Variants in LRRTM3 observed in about 807,000 individuals in gnomAD.
The protein encoded by LRRTM3 is leucine rich repeat transmembrane neuronal 3, also known as leucine-rich repeat transmembrane neuronal protein 3.
LRRTM3 carries 24 observed loss-of-function variants against 44.7 expected under a neutral mutation model. That is an observed-to-expected ratio of 0.54 (90% CI 0.39 to 0.76). The LOEUF (loss-of-function observed/expected upper bound fraction) is 0.76. Among genes scored for constraint, LRRTM3 ranks in the 30% least tolerant of loss-of-function variants. The probability of loss-of-function intolerance (pLI) is 0.00; values close to 1 mark genes in which losing one functional copy is unlikely to be tolerated. For synonymous variants in LRRTM3, 277 were observed against 278.7 expected (o/e 0.99, Z 0.06); for missense variants, 587 against 702.2 (o/e 0.84, Z 1.85).
chr10:66,929,034 T>C (rs192181358), intron 2 of LRRTM3, among the ~76,000 whole-genome samples: 1 of 152,288 alleles, frequency 6.6e-6, no homozygotes, highest in Non-Finnish European at 1.5e-5. Flanking sequence ...CTGAGCAGTT[T>C]CCAGAGGTGT....
intron 2 of LRRTM3, among the ~76,000 whole-genome samples, chr10:67,063,704 G>A (rs1216562379): frequency 1.3e-5 from 2 of 152,146 alleles, no homozygotes; most frequent in African/African-American, 2.4e-5. Flanking sequence ...ACAGATAATT[G>A]GCATGAGCCA....
At chr10:67,089,526 A>G (rs10997500) in intron 2 of LRRTM3, among the ~76,000 whole-genome samples, 17,892 of 152,038 alleles carry the variant, frequency 0.12, 1,315 homozygotes, top group African/African-American at 0.21. Flanking sequence ...AGTAAAGTAT[A>G]TTATCTCTGT....
At chr10:66,944,299 T>C (rs1289824266) in intron 2 of LRRTM3, among the ~76,000 whole-genome samples, 1 of 152,210 alleles carries the variant, frequency 6.6e-6, no homozygotes, top group African/African-American at 2.4e-5. Context: ...GACAACTTTC[T>C]CTGTTCATCC....
At chr10:66,982,376 C>T (rs1345801954) in intron 2 of LRRTM3, among the ~76,000 whole-genome samples, 1 of 152,152 alleles carries the variant, frequency 6.6e-6, no homozygotes, top group Non-Finnish European at 1.5e-5. Context: ...GTGACTCAGG[C>T]AAGTTACTAA....
intron 2 of LRRTM3, among the ~76,000 whole-genome samples, chr10:67,002,652 A>G (rs924252616): frequency 1.4e-4 from 22 of 152,248 alleles, no homozygotes; most frequent in Admixed American, 2.6e-4. Flanking sequence ...GTACTGGGCC[A>G]TGTATTTCAG....
At chr10:66,987,213 A>T (rs1207322440) in intron 2 of LRRTM3, among the ~76,000 whole-genome samples, 2 of 152,166 alleles carry the variant, frequency 1.3e-5, no homozygotes. Flanking sequence ...TAAGGACTTA[A>T]CTTTTTCTCT....
Position 66,927,160 on chromosome 10 carries a change from A to T in LRRTM3, c.244A>T (p.Lys82Ter). ...SLQKLKYNQFKGLNQLTWLYL... is the reference protein window; with the variant it reads ...SLQKLKYNQF ...TCAAAAACTTAAGTATAATCAATTT[A>T]AAGGGCTCAACCAGCTCACCTGGCT... The change falls in exon 2 of 3, where the codon AAA (lysine) becomes TAA (stop). Residue 82 changes from lysine to a stop codon, truncating the protein, a stop_gained. Transcript: ENST00000361320. LOFTEE classifies it high-confidence loss of function. This position sits in a 1 kb window ranked among gnomAD's most constrained non-coding sequence, Gnocchi z 4.7. 6.2e-7 allele frequency: 1 copy of T among 1,614,202 alleles called. No homozygotes were observed.
At chr10:67,029,758 A>G (rs992827820) in intron 2 of LRRTM3, among the ~76,000 whole-genome samples, 1 of 152,224 alleles carries the variant, frequency 6.6e-6, no homozygotes, top group Non-Finnish European at 1.5e-5. Context: ...TCAAAAACCA[A>G]TCAATACCTG....
At chr10:66,986,266 G>T (rs988763067) in intron 2 of LRRTM3, among the ~76,000 whole-genome samples, 1 of 152,210 alleles carries the variant, frequency 6.6e-6, no homozygotes, top group East Asian at 1.9e-4. Flanking sequence ...GAGAGGCCGA[G>T]GCAGGCAGTT....
At chr10:67,002,371 T>C (rs1851738803) in intron 2 of LRRTM3, among the ~76,000 whole-genome samples, 1 of 152,220 alleles carries the variant, frequency 6.6e-6, no homozygotes, top group Non-Finnish European at 1.5e-5. Flanking sequence ...TTACATTCTA[T>C]ACATATTGAA....
chr10:66,928,501 G>C (rs766296483), intron 2 of LRRTM3, 49 bp downstream of exon 2: 10 of 1,512,884 alleles, frequency 6.6e-6, no homozygotes, highest in Non-Finnish European at 8.9e-6. Flanking sequence ...GGAAATAAGT[G>C]GTGCTTTATT....
In LRRTM3 at chr10:66,947,841, G is replaced by A. The variant is rs551971393; in HGVS notation, c.1536+19389G>A. ...AAAATGCAGTCATGTGGCGCTTAGC[G>A]ACAGGAATAGGTTCTGAGAAATGCA... On this transcript the variant is annotated intron_variant, in intron 2 of 2. Coordinates refer to ENST00000361320, the MANE Select transcript of LRRTM3 (RefSeq NM_178011.5). 3.9e-5 allele frequency among the ~76,000 whole-genome samples: 6 copies of A among 152,262 alleles called. No individual in the cohort carries two copies. The South Asian group carries it at 8.3e-4, about 21-fold the overall frequency.
At chr10:67,078,429 C>T (rs1040622348) in intron 2 of LRRTM3, among the ~76,000 whole-genome samples, 1 of 152,000 alleles carries the variant, frequency 6.6e-6, no homozygotes. Flanking sequence ...GAGAGAGGGA[C>T]CAACAAAATG....
Position 67,099,375 on chromosome 10 carries a change from G to A in LRRTM3, c.*1579G>A, listed in dbSNP as rs891630265. 5 of 151,356 alleles carry A rather than the reference G, an allele frequency of 3.3e-5. No individual in the cohort carries two copies. The highest frequency in any genetic ancestry group is 9.7e-5 in the African/African-American group (4 of 41,242). The allele number at this position is 151,356 out of a possible 1,614,324, so 9.4% of individuals were successfully genotyped here. Reference sequence around the variant, plus strand: ...AGTTTCAATTACTGTTGCACTAGAAGTGCTTTTTATGTTGTCATTTTATAT... The same window carrying A: ...AGTTTCAATTACTGTTGCACTAGAAATGCTTTTTATGTTGTCATTTTATAT... On this transcript the variant is annotated 3_prime_UTR_variant, in exon 3 of 3. Transcript: ENST00000361320.
At chr10:67,050,201 G>A (rs1854997042) in intron 2 of LRRTM3, among the ~76,000 whole-genome samples, 1 of 152,182 alleles carries the variant, frequency 6.6e-6, no homozygotes, top group Non-Finnish European at 1.5e-5. Flanking sequence ...TGAAGAATCT[G>A]CAATGCAGAT....
chr10:66,936,298 A>G (rs1847689197), intron 2 of LRRTM3, among the ~76,000 whole-genome samples: 1 of 152,094 alleles, frequency 6.6e-6, no homozygotes, highest in South Asian at 2.1e-4. Flanking sequence ...CCAAAAGCTC[A>G]CATTATACGT....
At chr10:67,040,173 A>G (rs1486545947) in intron 2 of LRRTM3, among the ~76,000 whole-genome samples, 1 of 152,108 alleles carries the variant, frequency 6.6e-6, no homozygotes, top group Non-Finnish European at 1.5e-5. Context: ...AAGGGAAACA[A>G]GCTCTAATGG....
Position 66,928,264 on chromosome 10 carries a change from A to C in LRRTM3, c.1348A>C (p.Lys450Gln). 1 of 1,614,168 alleles carries C rather than the reference A, an allele frequency of 6.2e-7. No homozygotes were observed. The highest frequency in any genetic ancestry group is 8.5e-7 in the Non-Finnish European group (1 of 1,180,034). ...VSWKRYPASMKQLQQRSLMRR... is the reference protein window; with the variant it reads ...VSWKRYPASMQQLQQRSLMRR... ...ATGGAAGCGGTACCCTGCGAGCATG[A>C]AGCAGCTGCAGCAGCGCTCCCTCAT... Residue 450 changes from lysine (K) to glutamine (Q), a missense_variant, in exon 2 of 3, where the codon AAG (lysine) becomes CAG (glutamine). Lys to Gln is a moderately conservative substitution (Grantham distance 53). This residue lies in a region of LRRTM3 where 315 missense variants were observed against 335.6 expected (regional missense o/e 0.94). Transcript: ENST00000361320.
chr10:67,073,998 G>A (rs979492345), intron 2 of LRRTM3, among the ~76,000 whole-genome samples: 1 of 148,286 alleles, frequency 6.7e-6, no homozygotes, highest in Non-Finnish European at 1.5e-5. Flanking sequence ...CAGATCTACT[G>A]AATTATCAAA....
Sources: allele counts gnomAD v4.1 joint callset (sites outside exome capture counted in the v4.1 genomes callset), GRCh38; gene constraint gnomAD v4.1.1; regional missense constraint gnomAD v4.1.1; non-coding constraint Gnocchi (gnomAD v3.1); transcripts MANE v1.5; gene names NCBI Gene and HGNC (gene_info 2026-07-23, HGNC 2026-07-21).